The following DNAH7 variants were observed in gnomAD, a reference collection of about 807,000 sequenced individuals.
The protein encoded by DNAH7 is dynein axonemal heavy chain 7.
Under a neutral mutation model 444.6 loss-of-function variants are expected in DNAH7, and 397 were observed. The observed-to-expected ratio is 0.89, with a 90% CI of 0.82 to 0.97. DNAH7 has a LOEUF of 0.97. Ranked by LOEUF, DNAH7 falls within the 50% of genes least tolerant of loss-of-function variation. The pLI is 0.00. For synonymous variants in DNAH7, 1,636 were observed against 1,624.4 expected, an observed-to-expected ratio of 1.01 and a Z score of -0.17; for missense variants, 4,902 against 4,800.8, an observed-to-expected ratio of 1.02 and a Z score of -0.62.
chr2:195,902,402 A>C (rs766068020), intron 27 of DNAH7: 2 of 152,210 alleles, frequency 1.3e-5, no homozygotes, highest in Non-Finnish European at 2.9e-5. Context: ...AAAAAAGAGC[A>C]TGAGAATTGC....
At chr2:195,899,404 A>G (rs970217143) in intron 28 of DNAH7, among the ~76,000 whole-genome samples, 1 of 152,222 alleles carries the variant, frequency 6.6e-6, no homozygotes, top group Non-Finnish European at 1.5e-5. Flanking sequence ...ATACACTAGG[A>G]CAATGCATTA....
intron 54 of DNAH7, among the ~76,000 whole-genome samples, chr2:195,803,938 CTCATT>C: frequency 6.6e-6 from 1 of 152,144 alleles, no homozygotes. Context: ...GCAAGCCCAT[CTCATT>C]TTTTCTACTG....
At chr2:195,944,953 T>G (rs1689703949) in intron 19 of DNAH7, among the ~76,000 whole-genome samples, 1 of 151,954 alleles carries the variant, frequency 6.6e-6, no homozygotes, top group Non-Finnish European at 1.5e-5. Flanking sequence ...AACACTTCCC[T>G]GTACAACAGA....
intron 9 of DNAH7, among the ~76,000 whole-genome samples, chr2:196,013,523 G>T (rs1261079230): frequency 6.6e-6 from 1 of 152,124 alleles, no homozygotes; most frequent in Non-Finnish European, 1.5e-5. Context: ...AATAATATTA[G>T]CATTAACTTG....
At chr2:195,982,499 A>G (rs1692638201) in intron 15 of DNAH7, among the ~76,000 whole-genome samples, 2 of 152,206 alleles carry the variant, frequency 1.3e-5, no homozygotes, top group African/African-American at 4.8e-5. Flanking sequence ...CAATGAAGGG[A>G]AATCAGTATA....
In DNAH7 at chr2:195,808,870, TATTAATCTTTGGAAAACAA is replaced by T. The variant is rs1696830133; in HGVS notation, c.9889-13_9894del. The T allele has an allele frequency of 1.2e-6, 2 of 1,612,404 alleles. No individual in the cohort carries two copies. The highest frequency in any genetic ancestry group is 4.5e-5 in the East Asian group (2 of 44,814). On this transcript the variant is annotated splice_acceptor_variant and splice_polypyrimidine_tract_variant and coding_sequence_variant and intron_variant, in exon 53 of 65. Coordinates refer to ENST00000312428, the MANE Select transcript of DNAH7 (RefSeq NM_018897.3). LOFTEE classifies it high-confidence loss of function. ...GTTAGCAGAAATCTCCACTCAGCTT[TATTAATCTTTGGAAAACAA>T]GGCAGCGTGAAGAGTCAGAAACGAG...
intron 59 of DNAH7, among the ~76,000 whole-genome samples, chr2:195,776,407 C>T (rs1351832747): frequency 6.6e-6 from 1 of 151,598 alleles, no homozygotes; most frequent in East Asian, 1.9e-4. Flanking sequence ...TGCACCATTA[C>T]ACTCCAGCCT....
chr2:195,752,815 G>C (rs2105905246), intron 63 of DNAH7, among the ~76,000 whole-genome samples: 1 of 152,320 alleles, frequency 6.6e-6, no homozygotes, highest in Non-Finnish European at 1.5e-5. Flanking sequence ...CATGGGATTT[G>C]TCAACATAGA....
At chr2:195,995,873 A>G (rs1192295277) in intron 12 of DNAH7, among the ~76,000 whole-genome samples, 1 of 152,194 alleles carries the variant, frequency 6.6e-6, no homozygotes, top group Non-Finnish European at 1.5e-5. Context: ...TTGGCTATTC[A>G]GGGTCTTTTG....
chr2:195,935,575 T>C (rs1559243238), intron 20 of DNAH7, among the ~76,000 whole-genome samples: 3 of 152,110 alleles, frequency 2.0e-5, no homozygotes. Flanking sequence ...ATCTCTACCA[T>C]GGTGGAGCTT....
chr2:195,997,838 T>G (rs893160920), intron 12 of DNAH7, among the ~76,000 whole-genome samples: 1 of 152,168 alleles, frequency 6.6e-6, no homozygotes, highest in African/African-American at 2.4e-5. Flanking sequence ...GGGCATCATC[T>G]AGGCATATTT....
At chr2:195,930,312 A>G (rs1050785135) in intron 21 of DNAH7, among the ~76,000 whole-genome samples, 2 of 152,208 alleles carry the variant, frequency 1.3e-5, no homozygotes, top group African/African-American at 2.4e-5. Flanking sequence ...ACTGCACTCC[A>G]GCCTGGTGAC....
At chr2:195,744,586 C>T (rs1693265780) in intron 63 of DNAH7, among the ~76,000 whole-genome samples, 1 of 152,218 alleles carries the variant, frequency 6.6e-6, no homozygotes, top group East Asian at 1.9e-4. Context: ...CCCGAGCAGC[C>T]TAACTGGGAG....
At position 195,940,787 on chromosome 2, in the gene DNAH7, G is replaced by C. The variant is rs137863916; in HGVS notation, c.3079-3995C>G. Among the ~76,000 whole-genome samples the C allele has an allele frequency of 2.1e-3, 324 of 152,192 alleles. 1 individual carries two copies. Among genetic ancestry groups the C allele is most frequent in the African/African-American group, 7.7e-3 (320 of 41,522 alleles). ...TATGAAAAAAAGCTCATCATCACTT[G>C]TTATTAGAGAAATGCAAATCAAAAC... On this transcript the variant is annotated intron_variant, in intron 19 of 64. Transcript: ENST00000312428.
chr2:196,009,443 G>C (rs1694590481), intron 10 of DNAH7, among the ~76,000 whole-genome samples: 2 of 152,000 alleles, frequency 1.3e-5, no homozygotes, highest in Admixed American at 6.6e-5. Context: ...TTTCAAAAGA[G>C]AACAAAAAAA....
chr2:195,850,821 G>T (rs2125034159), intron 46 of DNAH7, among the ~76,000 whole-genome samples: 1 of 152,264 alleles, frequency 6.6e-6, no homozygotes, highest in African/African-American at 2.4e-5. Context: ...AGGAGTAGAA[G>T]CCAATAAAGG....
At chr2:195,924,322 G>C (rs936942057) in intron 22 of DNAH7, among the ~76,000 whole-genome samples, 24 of 152,136 alleles carry the variant, frequency 1.6e-4, no homozygotes, top group Non-Finnish European at 1.6e-4. Flanking sequence ...CCAGGGCTGG[G>C]CGTGGAGGCC....
At chr2:195,906,518 T>C in intron 27 of DNAH7, 141 bp downstream of exon 27, 1 of 514,880 alleles carries the variant, frequency 1.9e-6, no homozygotes, top group Non-Finnish European at 3.2e-6. Context: ...CTCAAACACC[T>C]GAGTTCAAGT....
chr2:195,996,675 C>A (rs1693717079), intron 12 of DNAH7, among the ~76,000 whole-genome samples: 1 of 152,160 alleles, frequency 6.6e-6, no homozygotes, highest in South Asian at 2.1e-4. Context: ...ATCCACCCGC[C>A]TCGCCCTCCC....
Sources: gnomAD v4.1 joint callset for allele counts (sites outside exome capture counted in the v4.1 genomes callset) on GRCh38, gnomAD v4.1.1 for gene constraint, MANE v1.5 for transcripts, NCBI Gene and HGNC (gene_info 2026-07-23, HGNC 2026-07-21) for gene names.